Variants in CPNE4 observed in about 807,000 individuals in gnomAD.
The protein encoded by CPNE4 is copine-4.
A neutral mutation model predicts 67.9 loss-of-function variants in CPNE4; 25 were observed. The observed-to-expected ratio is 0.37, with a 90% CI of 0.27 to 0.51. The LOEUF (loss-of-function observed/expected upper bound fraction) is 0.51, where lower values mean the gene tolerates loss of function less well. Among genes scored for constraint, CPNE4 ranks in the 20% least tolerant of loss-of-function variants. The pLI is 0.93. For missense variants in CPNE4, 464 were observed against 690.8 expected (o/e 0.67, Z 3.68); for synonymous variants, 242 against 244.9 (o/e 0.99, Z 0.11).
At chr3:131,765,085 G>A (rs1400592849) in intron 2 of CPNE4, among the ~76,000 whole-genome samples, 2 of 152,094 alleles carry the variant, frequency 1.3e-5, no homozygotes, top group Non-Finnish European at 2.9e-5. Context: ...TCTAGCATGA[G>A]GGCCTGTGAA....
At position 131,556,019 on chromosome 3, in the gene CPNE4, A is replaced by G. The variant is rs139636042; in HGVS notation, c.1062-468T>C. ...TGAGAGGTAAAGTGACTTGCCCAAG[A>G]TCATGCCACTAATTAGAGCTAGAGT... On this transcript the variant is annotated intron_variant, in intron 11 of 15. Coordinates refer to ENST00000429747, the MANE Select transcript of CPNE4 (RefSeq NM_130808.3). Among the ~76,000 whole-genome samples the G allele has an allele frequency of 7.2e-5, 11 of 152,180 alleles. No individual in the cohort carries two copies. In the East Asian group the frequency reaches 2.1e-3, roughly 30 times the overall value.
At chr3:132,030,239 G>T (rs543601621) in intron 1 of CPNE4, among the ~76,000 whole-genome samples, 1 of 152,356 alleles carries the variant, frequency 6.6e-6, no homozygotes, top group African/African-American at 2.4e-5. Context: ...GGAGTAATCA[G>T]AAGGGTTGTT....
At chr3:131,889,859 TA>T (rs1048184405) in intron 2 of CPNE4, among the ~76,000 whole-genome samples, 5 of 152,140 alleles carry the variant, frequency 3.3e-5, no homozygotes, top group African/African-American at 2.4e-5. Context: ...GTCTCTTCAA[TA>T]AATGGTATTG....
intron 2 of CPNE4, among the ~76,000 whole-genome samples, chr3:131,874,455 G>T (rs1470425112): frequency 6.6e-6 from 1 of 152,128 alleles, no homozygotes; most frequent in African/African-American, 2.4e-5. Flanking sequence ...CAAACACGAG[G>T]AATAAAAATG....
chr3:131,969,465 G>A (rs1025032528), intron 1 of CPNE4, among the ~76,000 whole-genome samples: 2 of 152,230 alleles, frequency 1.3e-5, no homozygotes, highest in Middle Eastern at 3.4e-3. Context: ...GTATTAATCT[G>A]TAAGTAGGCT....
chr3:131,697,957 G>A (rs1165040917), intron 4 of CPNE4, among the ~76,000 whole-genome samples: 3 of 152,094 alleles, frequency 2.0e-5, no homozygotes, highest in Non-Finnish European at 4.4e-5. Flanking sequence ...ATGGGGCCAG[G>A]GGCAGTGGCT....
At chr3:132,023,547 G>T (rs2074047895) in intron 1 of CPNE4, among the ~76,000 whole-genome samples, 1 of 144,818 alleles carries the variant, frequency 6.9e-6, no homozygotes, top group Admixed American at 7.0e-5. Context: ...GAGTGCAGTG[G>T]CGGGATCTCG....
At chr3:131,915,114 G>A (rs1042584175) in intron 1 of CPNE4, among the ~76,000 whole-genome samples, 1 of 152,152 alleles carries the variant, frequency 6.6e-6, no homozygotes, top group East Asian at 1.9e-4. Flanking sequence ...TGGATGTGGT[G>A]GTTAAATAAC....
intron 2 of CPNE4, among the ~76,000 whole-genome samples, chr3:131,888,804 G>A (rs897403493): frequency 2.1e-5 from 3 of 140,366 alleles, no homozygotes; most frequent in Admixed American, 7.3e-5. Context: ...TTCCCACTAG[G>A]AAAGTCGAAA....
intron 7 of CPNE4, among the ~76,000 whole-genome samples, chr3:131,597,311 G>T (rs556271876): frequency 6.6e-6 from 1 of 152,180 alleles, no homozygotes; most frequent in South Asian, 2.1e-4. Flanking sequence ...CCTGTTGTGG[G>T]GTGGGGGGAT....
chr3:132,028,025 A>G (rs929146964), intron 1 of CPNE4, among the ~76,000 whole-genome samples: 1 of 152,226 alleles, frequency 6.6e-6, no homozygotes. Flanking sequence ...TTCTGTTTAA[A>G]TGAATTAAGT....
chr3:131,992,549 T>A (rs1422730107), intron 1 of CPNE4, among the ~76,000 whole-genome samples: 1 of 136,208 alleles, frequency 7.3e-6, no homozygotes, highest in Non-Finnish European at 1.7e-5. Context: ...ACTTCCCTTA[T>A]CTCAGATGAG....
chr3:131,765,944 A>T (rs1025251745), intron 2 of CPNE4, among the ~76,000 whole-genome samples: 6 of 152,156 alleles, frequency 3.9e-5, no homozygotes, highest in African/African-American at 1.4e-4. Context: ...TAGCAGCTTT[A>T]TACTGTCAAG....
intron 1 of CPNE4, among the ~76,000 whole-genome samples, chr3:131,915,883 C>T (rs1258893632): frequency 6.6e-6 from 1 of 152,114 alleles, no homozygotes; most frequent in Admixed American, 6.6e-5. Flanking sequence ...GAGATTTCTC[C>T]AGAAAGTAAC....
chr3:131,589,335 G>A (rs769319170), intron 7 of CPNE4, among the ~76,000 whole-genome samples: 8 of 152,220 alleles, frequency 5.3e-5, no homozygotes, highest in Non-Finnish European at 8.8e-5. Context: ...TCTGGATTCT[G>A]ATGTCCAAGG....
intron 1 of CPNE4, among the ~76,000 whole-genome samples, chr3:132,026,886 G>T (rs1316765035): frequency 6.8e-6 from 1 of 147,464 alleles, no homozygotes; most frequent in Non-Finnish European, 1.5e-5. Context: ...ATAGGGACAG[G>T]TTTAGTAATT....
intron 7 of CPNE4, among the ~76,000 whole-genome samples, chr3:131,644,242 G>A (rs958415676): frequency 1.3e-5 from 2 of 152,006 alleles, no homozygotes; most frequent in Non-Finnish European, 2.9e-5. Flanking sequence ...CTGTCTCCCG[G>A]GTTCAAGCCA....
intron 2 of CPNE4, among the ~76,000 whole-genome samples, chr3:131,863,189 A>G (rs1004638323): frequency 2.0e-5 from 3 of 152,194 alleles, no homozygotes; most frequent in Non-Finnish European, 4.4e-5. Context: ...GTGTCTTTAT[A>G]GCAGCATGTT....
chr3:131,580,587 T>A (rs528122150), intron 9 of CPNE4, among the ~76,000 whole-genome samples: 37 of 152,226 alleles, frequency 2.4e-4, no homozygotes, highest in African/African-American at 8.7e-4. Flanking sequence ...AAATCTCAGC[T>A]CTTAAATTTA....
Sources: allele counts gnomAD v4.1 joint callset (sites outside exome capture counted in the v4.1 genomes callset), GRCh38; gene constraint gnomAD v4.1.1; transcripts MANE v1.5; gene names NCBI Gene and HGNC (gene_info 2026-07-23, HGNC 2026-07-21).